Variants in TAF4B observed in about 807,000 individuals in gnomAD.
The protein encoded by TAF4B is TATA-box binding protein associated factor 4b.
A neutral mutation model predicts 86.4 loss-of-function variants in TAF4B; 38 were observed. The ratio of observed to expected loss-of-function variants is 0.44; its 90% confidence interval spans 0.34 to 0.58. The LOEUF (loss-of-function observed/expected upper bound fraction) is 0.58, where lower values mean the gene tolerates loss of function less well. Ranked by LOEUF, TAF4B falls within the 20% of genes least tolerant of loss-of-function variation. The pLI, the probability that TAF4B is intolerant of heterozygous loss-of-function variation, is 0.02. For synonymous variants in TAF4B, 388 were observed against 391.2 expected, an observed-to-expected ratio of 0.99 and a Z score of 0.10; for missense variants, 988 against 1,027.6, an observed-to-expected ratio of 0.96 and a Z score of 0.53.
chr18:26,236,386 A>G (rs572037825), intron 1 of TAF4B, among the ~76,000 whole-genome samples: 2 of 152,246 alleles, frequency 1.3e-5, no homozygotes, highest in South Asian at 4.1e-4. Flanking sequence ...GAGGAAGTCA[A>G]TTTCCTGGCC....
intron 12 of TAF4B, among the ~76,000 whole-genome samples, chr18:26,327,923 G>T (rs1487964341): frequency 1.3e-5 from 2 of 152,198 alleles, no homozygotes; most frequent in Middle Eastern, 6.8e-3. Flanking sequence ...TTATTTAAAC[G>T]TTTTCTTGGG....
intron 13 of TAF4B, among the ~76,000 whole-genome samples, chr18:26,353,889 T>C (rs1206240699): frequency 6.6e-6 from 1 of 152,226 alleles, no homozygotes; most frequent in Non-Finnish European, 1.5e-5. Context: ...CTTATAGATA[T>C]GCATTAGGTG....
chr18:26,373,153 CAG>C (rs1288223313), intron 14 of TAF4B, among the ~76,000 whole-genome samples: 1 of 152,106 alleles, frequency 6.6e-6, no homozygotes, highest in African/African-American at 2.4e-5. Flanking sequence ...TCTCCCTTCA[CAG>C]AGAGAGACAC....
intron 13 of TAF4B, among the ~76,000 whole-genome samples, chr18:26,336,615 A>T (rs1218677775): frequency 1.3e-5 from 2 of 152,326 alleles, no homozygotes; most frequent in South Asian, 2.1e-4. Context: ...ATGTCTTTCC[A>T]GTGGAAAATG....
chr18:26,362,898 A>G (rs2057341974), intron 14 of TAF4B, among the ~76,000 whole-genome samples: 1 of 152,228 alleles, frequency 6.6e-6, no homozygotes, highest in African/African-American at 2.4e-5. Flanking sequence ...AAATAACACT[A>G]CAACAATTAA....
intron 14 of TAF4B, among the ~76,000 whole-genome samples, chr18:26,387,955 G>A (rs28406142): frequency 5.7e-4 from 87 of 152,114 alleles, no homozygotes; most frequent in African/African-American, 2.1e-3. Context: ...TGGTGTTTTG[G>A]AGACCTTAAG....
chr18:26,366,992 C>G (rs912545979), intron 14 of TAF4B, among the ~76,000 whole-genome samples: 2 of 152,026 alleles, frequency 1.3e-5, no homozygotes, highest in Non-Finnish European at 2.9e-5. Flanking sequence ...AGTTGCTTCC[C>G]CAAAGTTCTA....
intron 14 of TAF4B, among the ~76,000 whole-genome samples, chr18:26,371,760 C>T (rs953139341): frequency 3.3e-5 from 5 of 152,206 alleles, no homozygotes; most frequent in African/African-American, 4.8e-5. Context: ...ATTATACTCC[C>T]GCAACTAGTC....
chr18:26,298,484 G>A (rs539223579), intron 9 of TAF4B, among the ~76,000 whole-genome samples: 21 of 152,038 alleles, frequency 1.4e-4, no homozygotes, highest in Admixed American at 3.9e-4. Flanking sequence ...CGCCCTTCTC[G>A]GCCTCCCAGA....
intron 3 of TAF4B, among the ~76,000 whole-genome samples, chr18:26,272,912 C>T (rs866976688): frequency 2.6e-4 from 40 of 152,202 alleles, no homozygotes; most frequent in Admixed American, 2.3e-3. Context: ...CAAAATTGTA[C>T]TAACTTAGGT....
intron 13 of TAF4B, among the ~76,000 whole-genome samples, chr18:26,346,767 ATATATATGTGTGTG>A (rs1450731342): frequency 0.018 from 515 of 28,088 alleles, 73 homozygotes; most frequent in African/African-American, 0.042. Context: ...GTGTATATAT[ATATATATGTGTGTG>A]TATATATATA....
intron 14 of TAF4B, among the ~76,000 whole-genome samples, chr18:26,383,486 G>A (rs1378502835): frequency 6.6e-6 from 1 of 152,164 alleles, no homozygotes; most frequent in Non-Finnish European, 1.5e-5. Context: ...AGGAGGAAGG[G>A]AAGGAATGAT....
At chr18:26,385,692 T>C (rs888321566) in intron 14 of TAF4B, among the ~76,000 whole-genome samples, 131 of 145,234 alleles carry the variant, frequency 9.0e-4, no homozygotes, top group African/African-American at 3.1e-3. Context: ...TTTTTTTTTT[T>C]TTCTTCTTCT....
At chr18:26,330,868 A>G (rs772296243) in intron 12 of TAF4B, among the ~76,000 whole-genome samples, 1 of 152,158 alleles carries the variant, frequency 6.6e-6, no homozygotes, top group African/African-American at 2.4e-5. Context: ...TAATCTCTCA[A>G]CTAGCCATGC....
At chr18:26,324,364 G>A (rs540432301) in intron 11 of TAF4B, among the ~76,000 whole-genome samples, 4 of 152,140 alleles carry the variant, frequency 2.6e-5, no homozygotes, top group South Asian at 4.2e-4. Context: ...CACCCGCCTC[G>A]GCCTCCCAAA....
intron 14 of TAF4B, among the ~76,000 whole-genome samples, chr18:26,377,810 A>G (rs1366251794): frequency 2.0e-5 from 3 of 152,184 alleles, no homozygotes; most frequent in Non-Finnish European, 4.4e-5. Flanking sequence ...TGCTGTTGAC[A>G]TGCTTTCAGT....
intron 9 of TAF4B, among the ~76,000 whole-genome samples, chr18:26,308,210 C>T (rs2056816317): frequency 6.6e-6 from 1 of 152,018 alleles, no homozygotes; most frequent in African/African-American, 2.4e-5. Context: ...GGTGAGATTG[C>T]ACCGCTGCAC....
At chr18:26,356,502 T>C (rs975814668) in intron 13 of TAF4B, among the ~76,000 whole-genome samples, 1 of 152,226 alleles carries the variant, frequency 6.6e-6, no homozygotes, top group Non-Finnish European at 1.5e-5. Flanking sequence ...CTACTTTTTG[T>C]TTTCAACCTG....
chr18:26,275,115 GA>G, intron 5 of TAF4B, 62 bp downstream of exon 5: 1 of 1,467,148 alleles, frequency 6.8e-7, no homozygotes, highest in South Asian at 1.4e-5. Flanking sequence ...TTGTAATTGG[GA>G]AATGCATATT....
Sources: allele counts gnomAD v4.1 joint callset (sites outside exome capture counted in the v4.1 genomes callset), GRCh38; gene constraint gnomAD v4.1.1; transcripts MANE v1.5; gene names NCBI Gene and HGNC (gene_info 2026-07-23, HGNC 2026-07-21).